The following CYP1A2 variants were observed in gnomAD, a reference collection of about 807,000 sequenced individuals.
CYP1A2 encodes the protein cytochrome P450 family 1 subfamily A member 2.
A neutral mutation model predicts 34.7 loss-of-function variants in CYP1A2; 35 were observed. That is an observed-to-expected ratio of 1.01 (90% confidence interval 0.77 to 1.34). The LOEUF (loss-of-function observed/expected upper bound fraction) is 1.34, where lower values mean the gene tolerates loss of function less well. Among genes scored for constraint, CYP1A2 ranks in the 40% most tolerant of loss-of-function variants. CYP1A2 has a pLI of 0.00. For synonymous variants in CYP1A2, 288 were observed against 281.9 expected (o/e 1.02, Z -0.22); for missense variants, 675 against 675.8 (o/e 1.00, Z 0.01).
rs72547513 is a variant in CYP1A2, at chr15:74,750,296, C to T, written c.558C>T (p.Phe186=). 1.7e-5 allele frequency: 28 copies of T among 1,614,098 alleles called. No individual in the cohort carries two copies. Among genetic ancestry groups the T allele is most frequent in the African/African-American group, 4.0e-5 (3 of 74,908 alleles). The change falls in exon 2 of 7, where the codon TTC becomes TTT. Residue 186 remains phenylalanine (F), a synonymous_variant. Coordinates refer to ENST00000343932, the MANE Select transcript of CYP1A2 (RefSeq NM_000761.5). ...AGCTGATGGCAGGGCCTGGGCACTT[C>T]GACCCTTACAATCAGGTGGTGGTGT... ...LQELMAGPGH[F]DPYNQVVVSV...
At position 74,755,301 on chromosome 15, in the gene CYP1A2, CAA is replaced by C; in HGVS notation, c.*222_*223del. 1.4e-5 allele frequency: 4 copies of C among 283,058 alleles called. No homozygotes were observed. Among genetic ancestry groups the C allele is most frequent in the Non-Finnish European group, 2.3e-5 (4 of 173,446 alleles). 17.5% of individuals were successfully genotyped at this position (283,058 alleles called of 1,614,324 possible). ...CCAACATAGTGGGACCCTGTCTCTA[CAA>C]AAAAAAAATTTGCCAAGAGCCTGAG... On this transcript the variant is annotated 3_prime_UTR_variant, in exon 7 of 7. Coordinates refer to ENST00000343932, the MANE Select transcript of CYP1A2 (RefSeq NM_000761.5).
At chr15:74,752,900 A>G (rs1204439241) in intron 5 of CYP1A2, among the ~76,000 whole-genome samples, 1 of 134,458 alleles carries the variant, frequency 7.4e-6, no homozygotes, top group Non-Finnish European at 1.6e-5. Context: ...TTTTTCATAG[A>G]AAATAGAAAA....
chr15:74,752,028 C>T (rs944989595), intron 4 of CYP1A2, 96 bp from the exon 5 acceptor site: 3 of 1,568,246 alleles, frequency 1.9e-6, no homozygotes, highest in East Asian at 2.2e-5. Context: ...TGTGAATAGA[C>T]AGTCTTACAT....
chr15:74,751,035 C>T (rs753091797), intron 2 of CYP1A2, among the ~76,000 whole-genome samples, 154 bp from the exon 3 acceptor site: 1 of 152,138 alleles, frequency 6.6e-6, no homozygotes, highest in East Asian at 1.9e-4. Context: ...GGGCTGCTAC[C>T]AGCTCCTGCT....
chr15:74,749,922 C>T lies in CYP1A2; in HGVS notation c.184C>T (p.His62Tyr). 6.2e-7 allele frequency: 1 copy of T among 1,611,244 alleles called. No homozygotes were observed. Among genetic ancestry groups the T allele is most frequent in the Non-Finnish European group, 8.5e-7 (1 of 1,177,764 alleles). The change falls in exon 2 of 7, where the codon CAC becomes TAC. Residue 62 changes from histidine (H) to tyrosine (Y), a missense_variant. Coordinates refer to ENST00000343932, the MANE Select transcript of CYP1A2 (RefSeq NM_000761.5). ...GHVLTLGKNP[H>Y]LALSRMSQRY... ...TGTGCTGACCCTGGGGAAGAACCCG[C>T]ACCTGGCACTGTCAAGGATGAGCCA... is the stretch of plus-strand genomic sequence containing the variant.
chr15:74,752,377 C>G, intron 5 of CYP1A2, 130 bp downstream of exon 5: 1 of 1,315,642 alleles, frequency 7.6e-7, no homozygotes, highest in Admixed American at 2.0e-5. Context: ...CGGCCTCAGT[C>G]TGCCCCCATC....
chr15:74,752,446 C>T (rs1012825180), intron 5 of CYP1A2, among the ~76,000 whole-genome samples, 199 bp downstream of exon 5: 2 of 152,164 alleles, frequency 1.3e-5, no homozygotes, highest in Middle Eastern at 3.2e-3. Flanking sequence ...GTGATCTCAG[C>T]GCTCATTCCC....
chr15:74,749,136 C>T (rs1477495855), intron 1 of CYP1A2, among the ~76,000 whole-genome samples: 1 of 152,216 alleles, frequency 6.6e-6, no homozygotes, highest in Middle Eastern at 3.2e-3. Context: ...CTGGCCCTGG[C>T]TGAAGCCCAA....
At chr15:74,752,306 T>C (rs1371050582) in intron 5 of CYP1A2, 59 bp downstream of exon 5, 1 of 1,601,032 alleles carries the variant, frequency 6.2e-7, no homozygotes, top group Non-Finnish European at 8.5e-7. Context: ...TTTCTCTTCC[T>C]GGCTTCTCAG....
chr15:74,752,973 AAAGAG>A (rs2063323354), intron 5 of CYP1A2, among the ~76,000 whole-genome samples: 1 of 150,474 alleles, frequency 6.6e-6, no homozygotes, highest in African/African-American at 2.4e-5. Context: ...AGCCAGGCGC[AAAGAG>A]AAGTTTAGTA....
chr15:74,755,041 G>A lies in CYP1A2; in HGVS notation c.1504G>A (p.Ala502Thr), dbSNP rs1181238166. 4 of 1,613,942 alleles carry A rather than the reference G, an allele frequency of 2.5e-6. No individual in the cohort carries two copies. The highest frequency in any genetic ancestry group is 1.7e-5 in the Admixed American group (1 of 60,022). Residue 502 changes from alanine (A) to threonine (T), a missense_variant, in exon 7 of 7, where the codon GCC (alanine) becomes ACC (threonine). By Grantham distance (58) the Ala-to-Thr change is moderately conservative. Transcript: ENST00000343932. Reference protein sequence around the residue: ...TPIYGLTMKHARCEHVQARLR... With the variant: ...TPIYGLTMKHTRCEHVQARLR... ...CATCTACGGGCTGACCATGAAGCAC[G>A]CCCGCTGTGAACATGTCCAGGCGCG...
At chr15:74,750,609 G>A in intron 2 of CYP1A2, 40 bp downstream of exon 2, 1 of 1,542,302 alleles carries the variant, frequency 6.5e-7, no homozygotes, top group East Asian at 2.3e-5. Context: ...ACCTTGCAGG[G>A]CCTGGGTGCA....
Position 74,750,515 on chromosome 15 carries a change from G to A in CYP1A2, c.777G>A (p.Arg259=). The change falls in exon 2 of 7, where the codon AGG becomes AGA. Residue 259 remains arginine, a synonymous_variant. Coordinates refer to ENST00000343932, the MANE Select transcript of CYP1A2 (RefSeq NM_000761.5). The part of the protein sequence containing the change: ...ALQRFKAFNQ[R]FLWFLQKTVQ... Reference sequence around the variant, plus strand: ...AGAGGTTCAAGGCCTTCAACCAGAGGTTCCTGTGGTTCCTGCAGAAAACAG... The same window carrying A: ...AGAGGTTCAAGGCCTTCAACCAGAGATTCCTGTGGTTCCTGCAGAAAACAG... 1 of 1,614,142 alleles carries A rather than the reference G, an allele frequency of 6.2e-7. No homozygotes were observed.
chr15:74,751,052 T>C, intron 2 of CYP1A2, 137 bp from the exon 3 acceptor site: 1 of 1,199,654 alleles, frequency 8.3e-7, no homozygotes, highest in South Asian at 1.5e-5. Flanking sequence ...TGCTGCAAGC[T>C]GCAACCCCCT....
In CYP1A2 at chr15:74,756,068, G is replaced by C. The variant is rs2063336819; in HGVS notation, c.*980G>C. The stretch of plus-strand genomic sequence containing the variant: ...TTGACCTCGTGATCCACCCGCCTCA[G>C]CCTCCCAAAGTGCTGGGATTAACAG... On this transcript the variant is annotated 3_prime_UTR_variant, in exon 7 of 7. Coordinates refer to ENST00000343932, the MANE Select transcript of CYP1A2 (RefSeq NM_000761.5). The C allele has an allele frequency of 6.6e-6, 1 of 151,026 alleles. No homozygotes were observed. Among genetic ancestry groups the C allele is most frequent in the Non-Finnish European group, 1.5e-5 (1 of 67,972 alleles). The allele number at this position is 151,026 out of a possible 1,614,324, so 9.4% of individuals were successfully genotyped here.
chr15:74,754,684 C>G, intron 6 of CYP1A2, 107 bp from the exon 7 acceptor site: 1 of 1,077,410 alleles, frequency 9.3e-7, no homozygotes, highest in African/African-American at 1.6e-5. Flanking sequence ...TCATTGCTTT[C>G]AAAGTGCCCT....
chr15:74,754,427 C>CAAAAAAAAAA (rs61283447), intron 6 of CYP1A2, among the ~76,000 whole-genome samples: 2 of 52,204 alleles, frequency 3.8e-5, no homozygotes, highest in Admixed American at 2.3e-4. Context: ...CCCGTCTCTG[C>CAAAAAAAAAA]AAAAAAAAAA....
At position 74,748,917 on chromosome 15, in the gene CYP1A2, T is replaced by A. The variant is rs922884969; in HGVS notation, c.-10+20T>A. On this transcript the variant is annotated intron_variant, in intron 1 of 6. Transcript: ENST00000343932. Reference sequence around the variant, plus strand: ...CTACAGGTACCTTTCTTGGGACCAATTTACAATCTCTGGGATCCCCAACTA... The same window carrying A: ...CTACAGGTACCTTTCTTGGGACCAAATTACAATCTCTGGGATCCCCAACTA... The A allele has an allele frequency of 1.3e-5, 2 of 152,238 alleles. No individual in the cohort carries two copies. The highest frequency in any genetic ancestry group is 4.8e-5 in the African/African-American group (2 of 41,428). 9.4% of individuals were successfully genotyped at this position (152,238 alleles called of 1,614,324 possible).
chr15:74,750,236 C>G lies in CYP1A2; in HGVS notation c.498C>G (p.Ser166Arg). 1.2e-6 allele frequency: 2 copies of G among 1,614,212 alleles called. No individual in the cohort carries two copies. Among genetic ancestry groups the G allele is most frequent in the Non-Finnish European group, 1.7e-6 (2 of 1,180,040 alleles). The change falls in exon 2 of 7, where the codon AGC (serine) becomes AGG (arginine). Residue 166 changes from serine to arginine, a missense_variant. Transcript: ENST00000343932. Reference protein sequence around the residue: ...SSSCYLEEHVSKEAKALISRL... With the variant: ...SSSCYLEEHVRKEAKALISRL... ...CCTGCTACCTGGAGGAGCATGTGAG[C>G]AAGGAGGCTAAGGCCCTGATCAGCA...
Sources: allele counts gnomAD v4.1 joint callset (sites outside exome capture counted in the v4.1 genomes callset), GRCh38; gene constraint gnomAD v4.1.1; transcripts MANE v1.5; gene names NCBI Gene and HGNC (gene_info 2026-07-23, HGNC 2026-07-21).